The following CCDC15 variants were observed in gnomAD, a reference collection of about 807,000 sequenced individuals.
The protein encoded by CCDC15 is coiled-coil domain-containing protein 15.
Under a neutral mutation model 114.5 loss-of-function variants are expected in CCDC15, and 105 were observed. That is an observed-to-expected ratio of 0.92 (90% CI 0.78 to 1.08). The LOEUF is 1.08. Among genes scored for constraint, CCDC15 ranks in the 50% least tolerant of loss-of-function variants. The pLI, the probability that CCDC15 is intolerant of heterozygous loss-of-function variation, is 0.00. For synonymous variants in CCDC15, 334 were observed against 377.8 expected (o/e 0.88, Z 1.34); for missense variants, 1,105 against 1,093.6 (o/e 1.01, Z -0.15).
At chr11:124,954,963 A>G in intron 2 of CCDC15, 54 bp downstream of exon 2, 1 of 1,511,242 alleles carries the variant, frequency 6.6e-7, no homozygotes, top group Non-Finnish European at 9.1e-7. Context: ...CCTTTTTATT[A>G]GCCTTCTCTA....
intron 2 of CCDC15, among the ~76,000 whole-genome samples, chr11:124,956,187 G>A (rs1432059348): frequency 6.6e-6 from 1 of 152,190 alleles, no homozygotes; most frequent in Admixed American, 6.5e-5. Flanking sequence ...TGATCAACCA[G>A]TGTTTTCTTT....
chr11:125,015,431 T>C (rs977107031), intron 13 of CCDC15, among the ~76,000 whole-genome samples: 3 of 152,162 alleles, frequency 2.0e-5, no homozygotes, highest in African/African-American at 7.2e-5. Flanking sequence ...AGACATTAAA[T>C]CACAGTAAGA....
chr11:125,008,105 T>G (rs1248210741), intron 13 of CCDC15, among the ~76,000 whole-genome samples: 2 of 152,230 alleles, frequency 1.3e-5, no homozygotes, highest in Non-Finnish European at 2.9e-5. Context: ...AATGTATATA[T>G]CAAGTTGGGG....
chr11:125,023,095 C>G (rs1948673253), intron 13 of CCDC15, among the ~76,000 whole-genome samples: 1 of 151,830 alleles, frequency 6.6e-6, no homozygotes, highest in South Asian at 2.1e-4. Context: ...CTTTGCCTAA[C>G]CCAAGGTCAC....
intron 8 of CCDC15, 80 bp from the exon 9 acceptor site, chr11:124,991,381 T>A: frequency 2.0e-6 from 2 of 989,476 alleles, no homozygotes. Context: ...CCCTTTGGCC[T>A]TCAATGAAGC....
intron 6 of CCDC15, among the ~76,000 whole-genome samples, chr11:124,978,593 A>C (rs1462428948): frequency 2.6e-5 from 4 of 151,902 alleles, no homozygotes; most frequent in Non-Finnish European, 5.9e-5. Context: ...TTCTCTAATG[A>C]GTGGTCCTTG....
intron 6 of CCDC15, among the ~76,000 whole-genome samples, chr11:124,980,958 G>A (rs917491727): frequency 1.3e-5 from 2 of 152,082 alleles, no homozygotes; most frequent in East Asian, 3.9e-4. Flanking sequence ...CTGGTATGTT[G>A]TATCTTTTTT....
intron 6 of CCDC15, among the ~76,000 whole-genome samples, chr11:124,978,792 T>C (rs1425553320): frequency 6.7e-6 from 1 of 149,516 alleles, no homozygotes; most frequent in Non-Finnish European, 1.5e-5. Context: ...GCAGAAGCTC[T>C]TCAGTTTGAT....
chr11:125,007,744 G>A (rs907957656), intron 13 of CCDC15, among the ~76,000 whole-genome samples: 3 of 151,966 alleles, frequency 2.0e-5, no homozygotes, highest in African/African-American at 7.3e-5. Flanking sequence ...ACCAGCTTTT[G>A]TTACTTTTTG....
intron 4 of CCDC15, among the ~76,000 whole-genome samples, chr11:124,970,462 C>CGA (rs1947860324): frequency 6.6e-6 from 1 of 152,168 alleles, no homozygotes; most frequent in South Asian, 2.1e-4. Context: ...ACTGAAAAGT[C>CGA]TAACACATTT....
intron 13 of CCDC15, among the ~76,000 whole-genome samples, chr11:125,005,429 C>T (rs1382068550): frequency 1.2e-4 from 18 of 151,992 alleles, no homozygotes; most frequent in Admixed American, 1.1e-3. Context: ...ATTTTAGGCT[C>T]ACAGCAAAAT....
At chr11:125,006,902 A>C (rs939938014) in intron 13 of CCDC15, among the ~76,000 whole-genome samples, 18 of 152,164 alleles carry the variant, frequency 1.2e-4, no homozygotes, top group African/African-American at 4.1e-4. Context: ...TTCTTTTGCC[A>C]TACCACACTG....
intron 2 of CCDC15, among the ~76,000 whole-genome samples, chr11:124,958,170 T>C (rs1947581809): frequency 6.6e-6 from 1 of 152,332 alleles, no homozygotes; most frequent in East Asian, 1.9e-4. Flanking sequence ...GTTATGATGA[T>C]GACTATGATT....
chr11:124,995,503 G>A (rs2135499570), intron 11 of CCDC15, among the ~76,000 whole-genome samples: 1 of 152,236 alleles, frequency 6.6e-6, no homozygotes, highest in Admixed American at 6.5e-5. Context: ...TTGGTAGATA[G>A]GTTTTGAATG....
chr11:124,961,145 A>G (rs1947651679), intron 4 of CCDC15, among the ~76,000 whole-genome samples: 1 of 152,258 alleles, frequency 6.6e-6, no homozygotes, highest in Non-Finnish European at 1.5e-5. Flanking sequence ...AAGGAATAGA[A>G]CATTGACTTA....
At chr11:125,002,589 C>T (rs975689664) in intron 11 of CCDC15, among the ~76,000 whole-genome samples, 7 of 151,948 alleles carry the variant, frequency 4.6e-5, no homozygotes, top group South Asian at 4.1e-4. Context: ...TGTTAGGGAG[C>T]GGTCCAACTT....
chr11:125,000,007 G>T (rs369490509), intron 11 of CCDC15, among the ~76,000 whole-genome samples: 1 of 151,236 alleles, frequency 6.6e-6, no homozygotes, highest in African/African-American at 2.4e-5. Context: ...GATTACAGGC[G>T]CCCACCACCA....
intron 13 of CCDC15, among the ~76,000 whole-genome samples, chr11:125,023,961 A>G (rs539090394): frequency 7.2e-5 from 11 of 152,102 alleles, no homozygotes; most frequent in African/African-American, 2.6e-4. Context: ...CTAGGGCTAG[A>G]GGTGAGAGGG....
chr11:125,012,511 A>G (rs1352133955), intron 13 of CCDC15, among the ~76,000 whole-genome samples: 1 of 152,208 alleles, frequency 6.6e-6, no homozygotes, highest in Non-Finnish European at 1.5e-5. Context: ...AATAAGTAAT[A>G]TAATTAGTGC....
Sources: gnomAD v4.1 joint callset for allele counts (sites outside exome capture counted in the v4.1 genomes callset) on GRCh38, gnomAD v4.1.1 for gene constraint, MANE v1.5 for transcripts, NCBI Gene and HGNC (gene_info 2026-07-23, HGNC 2026-07-21) for gene names.